IPO8: variants seen among roughly 807,000 people sequenced by gnomAD.
IPO8 encodes the protein importin 8.
In IPO8, 65 loss-of-function variants were observed where a neutral mutation model predicts 141.2. That is an observed-to-expected ratio of 0.46 (90% confidence interval 0.38 to 0.57). The LOEUF is 0.57. Among genes scored for constraint, IPO8 ranks in the 20% least tolerant of loss-of-function variants. The pLI, the probability that IPO8 is intolerant of heterozygous loss-of-function variation, is 0.00. For synonymous variants in IPO8, 411 were observed against 420.3 expected, an observed-to-expected ratio of 0.98 and a Z score of 0.27; for missense variants, 980 against 1,246.8, an observed-to-expected ratio of 0.79 and a Z score of 3.22.
chr12:30,647,773 T>C (rs1408552279), intron 20 of IPO8, among the ~76,000 whole-genome samples: 2 of 151,998 alleles, frequency 1.3e-5, no homozygotes, highest in Non-Finnish European at 2.9e-5. Context: ...GTAGAATATA[T>C]AATGAACTCC....
In IPO8 at chr12:30,680,542, G is replaced by A. The variant is rs112676658; in HGVS notation, c.579C>T (p.Ser193=). 5 of 1,612,522 alleles carry A rather than the reference G, an allele frequency of 3.1e-6. No homozygotes were observed. In the African/African-American group the frequency reaches 4.0e-5, roughly 13 times the overall value. The change falls in exon 5 of 25, where the codon TCC becomes TCT. Residue 193 remains serine (S), a synonymous_variant. Transcript: ENST00000256079. ...TCTGCAGTAATACAGAATAATAGGA[G>A]GAATCAGGAAGGAGCTGAACAATTT... is the stretch of plus-strand genomic sequence containing the variant. ...QQQIVQLLPD[S]SYYSVLLQKQ... is the part of the protein sequence containing the mutation.
At chr12:30,655,203 T>A (rs2052782311) in intron 17 of IPO8, among the ~76,000 whole-genome samples, 1 of 152,174 alleles carries the variant, frequency 6.6e-6, no homozygotes, top group Non-Finnish European at 1.5e-5. Flanking sequence ...GACGTATTCA[T>A]CATTATTGTA....
chr12:30,642,079 C>G (rs1461574171), intron 20 of IPO8, among the ~76,000 whole-genome samples: 1 of 152,020 alleles, frequency 6.6e-6, no homozygotes, highest in East Asian at 1.9e-4. Flanking sequence ...GCCTGTAATC[C>G]CAGCTACTCG....
chr12:30,672,843 C>T (rs1048629093), intron 8 of IPO8, among the ~76,000 whole-genome samples: 2 of 152,038 alleles, frequency 1.3e-5, no homozygotes, highest in African/African-American at 4.8e-5. Flanking sequence ...TTGCATTGTA[C>T]TTTTTAGAAA....
intron 16 of IPO8, among the ~76,000 whole-genome samples, chr12:30,657,788 T>C (rs1170352799): frequency 4.6e-5 from 7 of 152,248 alleles, no homozygotes; most frequent in African/African-American, 1.7e-4. Flanking sequence ...AAGTTAAAAA[T>C]GGCAAATAAA....
chr12:30,670,321 G>A (rs2053030693), intron 9 of IPO8, among the ~76,000 whole-genome samples: 1 of 152,146 alleles, frequency 6.6e-6, no homozygotes, highest in African/African-American at 2.4e-5. Flanking sequence ...AGAATTCACA[G>A]TTTGGGAGAG....
intron 20 of IPO8, among the ~76,000 whole-genome samples, chr12:30,647,976 A>C (rs2052672280): frequency 6.6e-6 from 1 of 152,206 alleles, no homozygotes; most frequent in Non-Finnish European, 1.5e-5. Context: ...AAAAACACAA[A>C]GAAATTGGAA....
In IPO8 at chr12:30,694,174, T is replaced by G. The variant is rs559970309; in HGVS notation, c.84+1390A>C. On this transcript the variant is annotated intron_variant, in intron 1 of 24. Transcript: ENST00000256079. ...GACTGCAAATTCAGCTCCTGCTTTG[T>G]TCTTCCTAACTAACCCCTGGATTAC... Among the ~76,000 whole-genome samples, 8 of 152,316 alleles carry G rather than the reference T, an allele frequency of 5.3e-5. No homozygotes were observed. In the South Asian group the frequency reaches 1.7e-3, roughly 32 times the overall value.
At chr12:30,684,572 T>G (rs1463718459) in intron 2 of IPO8, 115 bp from the exon 3 acceptor site, 18 of 963,086 alleles carry the variant, frequency 1.9e-5, no homozygotes, top group Non-Finnish European at 3.2e-6. Context: ...CCAGCAAAAA[T>G]GGATACTCTT....
intron 2 of IPO8, among the ~76,000 whole-genome samples, chr12:30,685,691 G>A (rs762791129): frequency 6.6e-6 from 1 of 151,210 alleles, no homozygotes; most frequent in African/African-American, 2.4e-5. Context: ...TTGGGAGGCC[G>A]AGGCGGGCGG....
chr12:30,638,374 C>T (rs958819695), intron 21 of IPO8, among the ~76,000 whole-genome samples: 15 of 152,264 alleles, frequency 9.9e-5, no homozygotes, highest in Non-Finnish European at 1.5e-4. Context: ...AATTAGAACA[C>T]GCATAGCAGC....
chr12:30,641,359 G>A (rs2052571393), intron 20 of IPO8, among the ~76,000 whole-genome samples: 2 of 152,106 alleles, frequency 1.3e-5, no homozygotes, highest in Admixed American at 6.6e-5. Flanking sequence ...ACTAGGGGAA[G>A]AAATGGAGAA....
chr12:30,676,515 C>T lies in IPO8; in HGVS notation c.712G>A (p.Asp238Asn), dbSNP rs755926333. ...TTTCTTACAGGAGGAACGGTCCTGT[C>T]GATAATAGTTCGGAAGATCTCCATC... ...TWMEIFRTIIDRTVPPETLHI... is the reference protein window; with the variant it reads ...TWMEIFRTIINRTVPPETLHI... Residue 238 changes from aspartate to asparagine, a missense_variant, in exon 6 of 25, where the codon GAC becomes AAC. This residue lies in a region of IPO8 where 924 missense variants were observed against 1,153.9 expected (regional missense o/e 0.80). Coordinates refer to ENST00000256079, the MANE Select transcript of IPO8 (RefSeq NM_006390.4). 6 of 1,612,858 alleles carry T rather than the reference C, an allele frequency of 3.7e-6. No homozygotes were observed. The highest frequency in any genetic ancestry group is 1.7e-4 in the Middle Eastern group (1 of 6,058).
chr12:30,638,795 T>C (rs902694405), intron 21 of IPO8, among the ~76,000 whole-genome samples: 2 of 152,054 alleles, frequency 1.3e-5, no homozygotes, highest in African/African-American at 4.8e-5. Context: ...GCCTCCCGAG[T>C]AGCTGGGACT....
intron 20 of IPO8, among the ~76,000 whole-genome samples, chr12:30,647,472 A>T (rs2052663018): frequency 6.6e-6 from 1 of 151,858 alleles, no homozygotes; most frequent in African/African-American, 2.4e-5. Flanking sequence ...AAAATTAGCC[A>T]GGTGTAGTAG....
chr12:30,656,732 T>C lies in IPO8; in HGVS notation c.1900A>G (p.Asn634Asp). The C allele has an allele frequency of 6.5e-7, 1 of 1,527,398 alleles. No individual in the cohort carries two copies. The highest frequency in any genetic ancestry group is 1.2e-5 in the South Asian group (1 of 80,874). 94.6% of individuals were successfully genotyped at this position (1,527,398 alleles called of 1,614,324 possible). ...DHKEITQQLE[N>D]ICLRIIDLVL... The stretch of plus-strand genomic sequence containing the variant: ...AGATCAATGATCCGTAGACAGATAT[T>C]CTCTAACTGCTGGGTAATCTAAAGA... Residue 634 changes from asparagine (N) to aspartate (D), a missense_variant, in exon 17 of 25, where the codon AAT (asparagine) becomes GAT (aspartate). Transcript: ENST00000256079.
intron 2 of IPO8, 48 bp downstream of exon 2, chr12:30,690,448 C>G: frequency 9.6e-7 from 1 of 1,039,928 alleles, no homozygotes. Context: ...AACTCTCATT[C>G]TACTCTCACC....
intron 1 of IPO8, among the ~76,000 whole-genome samples, chr12:30,693,936 AT>A (rs1478954881): frequency 6.6e-6 from 1 of 152,164 alleles, no homozygotes; most frequent in Non-Finnish European, 1.5e-5. Flanking sequence ...GGGAAAAAAA[AT>A]AGGATTGGGT....
chr12:30,640,851 GA>G, intron 20 of IPO8, among the ~76,000 whole-genome samples: 1 of 152,100 alleles, frequency 6.6e-6, no homozygotes, highest in African/African-American at 2.4e-5. Flanking sequence ...CTAGGAGGAG[GA>G]CATTGAATGT....
Sources: gnomAD v4.1 joint callset for allele counts (sites outside exome capture counted in the v4.1 genomes callset) on GRCh38, gnomAD v4.1.1 for gene constraint, gnomAD v4.1.1 regional missense constraint, MANE v1.5 for transcripts, NCBI Gene and HGNC (gene_info 2026-07-23, HGNC 2026-07-21) for gene names.